PLEKHG5: variants seen among roughly 807,000 people sequenced by gnomAD.
PLEKHG5 encodes pleckstrin homology and RhoGEF domain containing G5, also known as pleckstrin homology domain-containing family G member 5.
In PLEKHG5, 52 loss-of-function variants were observed where a neutral mutation model predicts 103.8. The observed-to-expected ratio is 0.50, with a 90% confidence interval of 0.40 to 0.63. PLEKHG5 has a LOEUF of 0.63. Ranked by LOEUF, PLEKHG5 falls within the 30% of genes least tolerant of loss-of-function variation. PLEKHG5 has a pLI of 0.00. For synonymous variants in PLEKHG5, 592 were observed against 575.5 expected (o/e 1.03, Z -0.41); for missense variants, 1,205 against 1,347.6 (o/e 0.89, Z 1.66).
upstream of PLEKHG5, chr1:6,497,362 C>CG: frequency 1.4e-5 from 15 of 1,076,814 alleles, 1 homozygote; most frequent in Non-Finnish European, 1.7e-5. The surrounding 1 kb of genome is among the most constrained non-coding windows in gnomAD (Gnocchi z 6.1). Flanking sequence ...GGGCGGCGGG[C>CG]GGGGGCGCCG....
chr1:6,482,935 C>T (rs1159150923), intron 1 of PLEKHG5, among the ~76,000 whole-genome samples: 1 of 152,198 alleles, frequency 6.6e-6, no homozygotes, highest in Non-Finnish European at 1.5e-5. Flanking sequence ...TCTTGAACAC[C>T]TGCCCTCAGG....
intron 7 of PLEKHG5, among the ~76,000 whole-genome samples, 160 bp downstream of exon 7, chr1:6,473,853 G>C (rs889629983): frequency 1.1e-4 from 16 of 152,102 alleles, no homozygotes; most frequent in African/African-American, 3.6e-4. Flanking sequence ...AGAGAGAGAG[G>C]GTCCCCTACT....
intron 1 of PLEKHG5, among the ~76,000 whole-genome samples, chr1:6,510,702 C>T (rs748584588): frequency 4.3e-4 from 66 of 152,224 alleles, no homozygotes; most frequent in Non-Finnish European, 7.6e-4. Flanking sequence ...GGAGGCCAAC[C>T]CACCAGCCAG....
At chr1:6,498,211 G>A (rs745334570), upstream of PLEKHG5, among the ~76,000 whole-genome samples, 2 of 152,148 alleles carry the variant, frequency 1.3e-5, no homozygotes, top group Non-Finnish European at 2.9e-5. Context: ...CTGGCACCAG[G>A]AGGCATTGCG....
upstream of PLEKHG5, among the ~76,000 whole-genome samples, chr1:6,492,739 C>T (rs1645169180): frequency 1.3e-5 from 2 of 152,122 alleles, no homozygotes; most frequent in African/African-American, 4.8e-5. Context: ...CAGGGTCGCA[C>T]AGCTGGAAAA....
chr1:6,518,034 A>G lies in PLEKHG5; in HGVS notation c.-165+1411T>C, dbSNP rs541416730. ...TGCAAGCTCCGCCTCCCAGGTTCAC[A>G]CCATTCTCCTGCCTCAGCCTCCCGA... On this transcript the variant is annotated intron_variant, in intron 1 of 21. Coordinates refer to the PLEKHG5 transcript ENST00000377740. 2.4e-3 allele frequency among the ~76,000 whole-genome samples: 365 copies of G among 151,956 alleles called. 3 individuals are homozygous for G. Among genetic ancestry groups the G allele is most frequent in the African/African-American group, 8.5e-3 (351 of 41,502 alleles).
chr1:6,504,254 C>T (rs1474960321), intron 1 of PLEKHG5, among the ~76,000 whole-genome samples: 1 of 152,132 alleles, frequency 6.6e-6, no homozygotes, highest in South Asian at 2.1e-4. Context: ...GAGATTTGCC[C>T]CCCCAACATC....
chr1:6,488,246 T>C (rs907446802), intron 1 of PLEKHG5, among the ~76,000 whole-genome samples: 1 of 152,212 alleles, frequency 6.6e-6, no homozygotes, highest in Non-Finnish European at 1.5e-5. Context: ...TAGGAGGAGA[T>C]ACTGTTACAA....
chr1:6,499,532 T>C (rs1387570287), upstream of PLEKHG5, among the ~76,000 whole-genome samples: 1 of 152,174 alleles, frequency 6.6e-6, no homozygotes, highest in Non-Finnish European at 1.5e-5. Context: ...CTGCATTGCG[T>C]AGGCGAGCTC....
rs1315441735 is a variant in PLEKHG5, at chr1:6,473,439, G to A, written c.607C>T (p.Arg203Cys). ...SLDILAPGRR[R>C]KNMSEFLGEA... ...CCCAGGAACTCCGACATGTTCTTGC[G>A]GCGGCGGCCAGGGGCCTGGTCAGGG... Residue 203 changes from arginine to cysteine, a missense_variant, in exon 8 of 21, where the codon CGC (arginine) becomes TGC (cysteine). Physicochemically the swap from Arg to Cys is radical, Grantham distance 180. Transcript: ENST00000377728. 4.6e-5 allele frequency: 71 copies of A among 1,534,112 alleles called. No individual in the cohort carries two copies. Among genetic ancestry groups the A allele is most frequent in the African/African-American group, 9.6e-5 (7 of 72,794 alleles).
Position 6,473,322 on chromosome 1 carries a change from A to G in PLEKHG5, c.724T>C (p.Trp242Arg). 1 of 1,564,572 alleles carries G rather than the reference A, an allele frequency of 6.4e-7. No homozygotes were observed. Among genetic ancestry groups the G allele is most frequent in the Non-Finnish European group, 8.7e-7 (1 of 1,155,620 alleles). ...AAGCGACTGGCCGCCCGGTTCTTCC[A>G]GCTGTCGCCAGTGTTGGTGCTGCCA... ...SSGSTNTGDS[W>R]KNRAASRFSG... Residue 242 changes from tryptophan to arginine, a missense_variant, in exon 8 of 21, where the codon TGG (tryptophan) becomes CGG (arginine). Trp to Arg is a moderately radical substitution (Grantham distance 101, BLOSUM62 -3). Coordinates refer to ENST00000377728, the MANE Select transcript of PLEKHG5 (RefSeq NM_020631.6).
At chr1:6,471,288 G>A in intron 12 of PLEKHG5, 188 bp from the exon 13 acceptor site, 3 of 772,632 alleles carry the variant, frequency 3.9e-6, no homozygotes, top group African/African-American at 3.4e-5. Flanking sequence ...CGTGGCCAGG[G>A]ATCAGGGGTA....
At chr1:6,485,506 G>A (rs1645010018) in intron 1 of PLEKHG5, 7 of 1,233,376 alleles carry the variant, frequency 5.7e-6, no homozygotes, top group Non-Finnish European at 7.1e-6. Context: ...CCCGCTTCCT[G>A]CCATTGTGCG....
At chr1:6,515,297 G>A (rs1387240739) in intron 1 of PLEKHG5, among the ~76,000 whole-genome samples, 2 of 151,780 alleles carry the variant, frequency 1.3e-5, no homozygotes, top group Non-Finnish European at 2.9e-5. Flanking sequence ...GGAGGCTGAG[G>A]CAGGCAGATC....
intron 1 of PLEKHG5, among the ~76,000 whole-genome samples, chr1:6,516,920 A>C (rs948201010): frequency 4.3e-5 from 6 of 138,956 alleles, no homozygotes; most frequent in East Asian, 2.1e-4. Flanking sequence ...ACACACACAC[A>C]CACACATGTA....
upstream of PLEKHG5, among the ~76,000 whole-genome samples, chr1:6,494,897 C>T (rs533394613): frequency 6.6e-6 from 1 of 152,358 alleles, no homozygotes; most frequent in Non-Finnish European, 1.5e-5. Flanking sequence ...TCAGCTGTGC[C>T]AAGTTCCAGG....
At position 6,475,031 on chromosome 1, in the gene PLEKHG5, C is replaced by A; in HGVS notation, c.302+16G>T. On this transcript the variant is annotated intron_variant, in intron 5 of 20. Coordinates refer to ENST00000377728, the MANE Select transcript of PLEKHG5 (RefSeq NM_020631.6). The stretch of plus-strand genomic sequence containing the variant: ...CTCCCAGTCCCACTTCCACCCTGAG[C>A]CCCATCAAGCCCTACCCCAGTGACT... 1 of 1,491,420 alleles carries A rather than the reference C, an allele frequency of 6.7e-7. No homozygotes were observed. The highest frequency in any genetic ancestry group is 9.4e-7 in the Non-Finnish European group (1 of 1,067,992). The allele number at this position is 1,491,420 out of a possible 1,614,324, so 92.4% of individuals were successfully genotyped here.
chr1:6,475,313 C>G (rs931117957), intron 4 of PLEKHG5, 149 bp downstream of exon 4: 1 of 747,704 alleles, frequency 1.3e-6, no homozygotes. Flanking sequence ...GATGGGAACC[C>G]CAGCAAGAAA....
chr1:6,485,833 C>T (rs1350598133), intron 1 of PLEKHG5: 9 of 979,580 alleles, frequency 9.2e-6, no homozygotes, highest in Non-Finnish European at 8.5e-6. Flanking sequence ...GGGGTACCCC[C>T]ACCTCTGCGC....
Sources: gnomAD v4.1 joint callset for allele counts (sites outside exome capture counted in the v4.1 genomes callset) on GRCh38, gnomAD v4.1.1 for gene constraint, Gnocchi (gnomAD v3.1) non-coding constraint, MANE v1.5 for transcripts, NCBI Gene and HGNC (gene_info 2026-07-23, HGNC 2026-07-21) for gene names.